The following DMC1 variants were observed in gnomAD, a reference collection of about 807,000 sequenced individuals.
DMC1 encodes the protein DNA meiotic recombinase 1, also known as meiotic recombination protein DMC1 homolog.
A neutral mutation model predicts 50.1 loss-of-function variants in DMC1; 27 were observed. That is an observed-to-expected ratio of 0.54 (90% CI 0.40 to 0.74). DMC1 has a LOEUF of 0.74. DMC1 is among the 30% of genes least tolerant of loss of function. The pLI, the probability that DMC1 is intolerant of heterozygous loss-of-function variation, is 0.00. For synonymous variants in DMC1, 148 were observed against 136.1 expected (o/e 1.09, Z -0.61); for missense variants, 295 against 420.2 (o/e 0.70, Z 2.60).
intron 7 of DMC1, 81 bp from the exon 8 acceptor site, chr22:38,550,078 C>T: frequency 1.0e-6 from 1 of 978,278 alleles, no homozygotes; most frequent in South Asian, 1.4e-5. Flanking sequence ...ATGGAATCTG[C>T]TGTTGCAACT....
chr22:38,511,328 C>T, the DMC1 span, among the ~76,000 whole-genome samples: 2 of 151,980 alleles, frequency 1.3e-5, no homozygotes, highest in African/African-American at 4.8e-5. Context: ...CCTGTAATCC[C>T]AGCACTTTGG....
At chr22:38,560,336 A>C (rs1396926432) in intron 5 of DMC1, among the ~76,000 whole-genome samples, 1 of 152,140 alleles carries the variant, frequency 6.6e-6, no homozygotes, top group Non-Finnish European at 1.5e-5. Context: ...TGGGAATAGC[A>C]AAGAGGTCAC....
chr22:38,541,705 C>A (rs1335002999), intron 8 of DMC1, among the ~76,000 whole-genome samples: 1 of 152,188 alleles, frequency 6.6e-6, no homozygotes, highest in Non-Finnish European at 1.5e-5. Context: ...AAAACTCCCT[C>A]CTTTCCCAGT....
chr22:38,568,473 G>A, intron 1 of DMC1, 184 bp from the exon 2 acceptor site: 1 of 551,782 alleles, frequency 1.8e-6, no homozygotes, highest in Non-Finnish European at 3.2e-6. Flanking sequence ...GTGTGTGTGT[G>A]CATGTGTGTG....
intron 13 of DMC1, among the ~76,000 whole-genome samples, chr22:38,520,365 T>A (rs2090011052): frequency 6.6e-6 from 1 of 151,434 alleles, no homozygotes; most frequent in South Asian, 2.1e-4. Context: ...TTCATTTATT[T>A]ATTTTAATTT....
intron 12 of DMC1, among the ~76,000 whole-genome samples, chr22:38,526,932 C>T (rs1004154632): frequency 6.6e-6 from 1 of 152,068 alleles, no homozygotes; most frequent in African/African-American, 2.4e-5. Context: ...TGTGTCTGCC[C>T]CCAGGAAACA....
intron 5 of DMC1, among the ~76,000 whole-genome samples, chr22:38,560,723 A>G (rs1002714106): frequency 9.9e-5 from 15 of 152,054 alleles, no homozygotes; most frequent in East Asian, 3.9e-4. Context: ...ATCTTTTATT[A>G]TAGAAAATAT....
intron 12 of DMC1, 101 bp downstream of exon 12, chr22:38,537,491 C>T (rs1392149745): frequency 1.1e-4 from 114 of 1,081,640 alleles, no homozygotes; most frequent in Non-Finnish European, 1.5e-4. Context: ...GAATTACAGG[C>T]GTGAGCCACC....
At chr22:38,526,309 A>T (rs182742434) in intron 12 of DMC1, among the ~76,000 whole-genome samples, 1 of 152,010 alleles carries the variant, frequency 6.6e-6, no homozygotes, top group Non-Finnish European at 1.5e-5. Flanking sequence ...GGTTCAAGCG[A>T]TTCTCCTAGC....
intron 7 of DMC1, among the ~76,000 whole-genome samples, chr22:38,550,942 A>AG (rs1294211146): frequency 2.1e-5 from 3 of 146,294 alleles, no homozygotes; most frequent in Admixed American, 2.0e-4. Context: ...AAAAAAAAAA[A>AG]AAAAAAAGAA....
intron 8 of DMC1, among the ~76,000 whole-genome samples, chr22:38,546,294 G>GT (rs34480751): frequency 6.6e-6 from 1 of 151,726 alleles, no homozygotes; most frequent in Non-Finnish European, 1.5e-5. Context: ...GGAGGCTGAG[G>GT]AGGAGAATCG....
downstream of DMC1, among the ~76,000 whole-genome samples, chr22:38,516,136 T>G (rs1440711964): frequency 6.6e-6 from 1 of 152,192 alleles, no homozygotes; most frequent in Non-Finnish European, 1.5e-5. Flanking sequence ...ATTTTCCTGC[T>G]GGCCCAGATA....
intron 13 of DMC1, 71 bp from the exon 14 acceptor site, chr22:38,520,160 G>T: frequency 8.0e-7 from 1 of 1,256,778 alleles, no homozygotes; most frequent in Non-Finnish European, 1.2e-6. Flanking sequence ...CATGTCACAG[G>T]CATTATGTGC....
chr22:38,561,451 T>G (rs1329482868), intron 5 of DMC1, among the ~76,000 whole-genome samples: 2 of 152,172 alleles, frequency 1.3e-5, no homozygotes, highest in Non-Finnish European at 2.9e-5. Context: ...AGACAGGATT[T>G]ATTAATGGGT....
At position 38,521,576 on chromosome 22, in the gene DMC1, C is replaced by A. The variant is rs6001145; in HGVS notation, c.953+32G>T. 3.7e-3 allele frequency: 4,832 copies of A among 1,294,208 alleles called. 130 individuals are homozygous for A. The African/African-American group carries it at 0.067, about 18-fold the overall frequency. 80.2% of individuals were successfully genotyped at this position (1,294,208 alleles called of 1,614,324 possible). A position where few individuals can be genotyped will look rare whatever the true frequency, so the allele number is the denominator to read the frequency against. Reference sequence around the variant, plus strand: ...ACACACACACACACACACACACACACACACACACACACAAAATAAAAAAAA... The same window carrying A: ...ACACACACACACACACACACACACAAACACACACACACAAAATAAAAAAAA... On this transcript the variant is annotated intron_variant, in intron 13 of 13. Transcript: ENST00000216024.
Position 38,538,395 on chromosome 22 carries a change from T to A in DMC1, c.675A>T (p.Ile225=). 1 of 1,613,154 alleles carries A rather than the reference T, an allele frequency of 6.2e-7. No homozygotes were observed. ...TGAAATCCACTCGAAAAAGTGCCAT[T>A]ATTGAATCGATAATCTACACAGGAT... ...GIFKLLIIDS[I]MALFRVDFSG... is the part of the protein sequence containing the mutation. Residue 225 remains isoleucine (I), a synonymous_variant, in exon 11 of 14, where the codon ATA becomes ATT. Coordinates refer to ENST00000216024, the MANE Select transcript of DMC1 (RefSeq NM_007068.4).
intron 12 of DMC1, among the ~76,000 whole-genome samples, chr22:38,526,722 C>A (rs1028529849): frequency 1.3e-5 from 2 of 152,094 alleles, no homozygotes; most frequent in Admixed American, 1.3e-4. Flanking sequence ...GGCAGACATT[C>A]TTCTAAGTCA....
the DMC1 span, among the ~76,000 whole-genome samples, chr22:38,510,049 C>G: frequency 6.6e-6 from 1 of 152,056 alleles, no homozygotes; most frequent in Non-Finnish European, 1.5e-5. Flanking sequence ...CCCGTCTCTC[C>G]TAAAAATACA....
At chr22:38,550,917 C>A (rs1459271617) in intron 7 of DMC1, among the ~76,000 whole-genome samples, 21 of 68,724 alleles carry the variant, frequency 3.1e-4, no homozygotes, top group Admixed American at 9.4e-4. Context: ...GGTGATAGAT[C>A]AAGACTCCAT....
Sources: gnomAD v4.1 joint callset for allele counts (sites outside exome capture counted in the v4.1 genomes callset) on GRCh38, gnomAD v4.1.1 for gene constraint, MANE v1.5 for transcripts, NCBI Gene and HGNC (gene_info 2026-07-23, HGNC 2026-07-21) for gene names.